The following CHCHD3 variants were observed in gnomAD, a reference collection of about 807,000 sequenced individuals.
CHCHD3 encodes the protein MICOS complex subunit MIC19.
CHCHD3 carries 20 observed loss-of-function variants against 38.2 expected under a neutral mutation model. The ratio of observed to expected loss-of-function variants is 0.52; its 90% CI spans 0.37 to 0.76. The LOEUF is 0.76. CHCHD3 is among the 30% of genes least tolerant of loss of function. The pLI, the probability that CHCHD3 is intolerant of heterozygous loss-of-function variation, is 0.00. For missense variants in CHCHD3, 245 were observed against 279.2 expected (o/e 0.88, Z 0.87); for synonymous variants, 82 against 100.0 (o/e 0.82, Z 1.07).
chr7:132,845,834 A>G (rs905956410), intron 5 of CHCHD3, among the ~76,000 whole-genome samples: 1 of 152,198 alleles, frequency 6.6e-6, no homozygotes, highest in African/African-American at 2.4e-5. Flanking sequence ...TTCTTTTCTC[A>G]AAGCGGCATT....
At chr7:132,890,254 C>T (rs577585121) in intron 4 of CHCHD3, among the ~76,000 whole-genome samples, 1 of 152,306 alleles carries the variant, frequency 6.6e-6, no homozygotes, top group African/African-American at 2.4e-5. Context: ...CGTATGTTTA[C>T]TTCCTTAAAG....
intron 3 of CHCHD3, among the ~76,000 whole-genome samples, chr7:133,020,711 C>A (rs867369569): frequency 6.6e-6 from 1 of 152,080 alleles, no homozygotes; most frequent in Non-Finnish European, 1.5e-5. Flanking sequence ...GTCAGCAGCT[C>A]GGAAAAATTC....
chr7:132,963,694 T>TACACAC (rs71178068), intron 4 of CHCHD3, among the ~76,000 whole-genome samples: 29,217 of 148,808 alleles, frequency 0.2, 3,108 homozygotes, highest in South Asian at 0.24. Flanking sequence ...CAAACGATTA[T>TACACAC]ACACACACAC....
intron 3 of CHCHD3, among the ~76,000 whole-genome samples, chr7:133,012,779 A>G (rs1812911451): frequency 1.1e-5 from 1 of 90,932 alleles, no homozygotes; most frequent in Non-Finnish European, 2.3e-5. Context: ...TAAGAAAGAA[A>G]AGGAGGAGAG....
In CHCHD3 at chr7:132,788,504, A is replaced by G. The variant is rs1393304105; in HGVS notation, c.661-2844T>C. On this transcript the variant is annotated intron_variant, in intron 7 of 7. Coordinates refer to ENST00000262570, the MANE Select transcript of CHCHD3 (RefSeq NM_017812.4). This position sits in a 1 kb window ranked among gnomAD's most constrained non-coding sequence, Gnocchi z 4.0. ...CACAACTTAAGGAAAGCAACAGTTA[A>G]AGAGTGTTTTCACGAGTCTAGAGAT... 6.6e-6 allele frequency among the ~76,000 whole-genome samples: 1 copy of G among 152,210 alleles called. No homozygotes were observed. Among genetic ancestry groups the G allele is most frequent in the Non-Finnish European group, 1.5e-5 (1 of 68,044 alleles).
chr7:132,876,945 C>T (rs908600199), intron 5 of CHCHD3, among the ~76,000 whole-genome samples: 1 of 152,094 alleles, frequency 6.6e-6, no homozygotes, highest in African/African-American at 2.4e-5. Flanking sequence ...ATGGATAATG[C>T]TATTTAATAC....
At chr7:132,886,691 C>A (rs201276574) in intron 4 of CHCHD3, among the ~76,000 whole-genome samples, 1 of 112,668 alleles carries the variant, frequency 8.9e-6, no homozygotes, top group East Asian at 2.6e-4. Flanking sequence ...TACACACACA[C>A]TATATATAGA....
chr7:133,004,053 C>A (rs569706925), intron 3 of CHCHD3, among the ~76,000 whole-genome samples: 1 of 151,880 alleles, frequency 6.6e-6, no homozygotes, highest in Non-Finnish European at 1.5e-5. Flanking sequence ...CGCCGTGGAG[C>A]GATTCTCCTG....
At chr7:132,912,226 T>TTA (rs773933893) in intron 4 of CHCHD3, among the ~76,000 whole-genome samples, 11 of 152,226 alleles carry the variant, frequency 7.2e-5, no homozygotes, top group Non-Finnish European at 7.3e-5. Flanking sequence ...AGTCTTTATA[T>TTA]AACTACCATA....
intron 4 of CHCHD3, among the ~76,000 whole-genome samples, chr7:132,940,386 T>C (rs888640387): frequency 6.6e-6 from 1 of 152,208 alleles, no homozygotes; most frequent in Non-Finnish European, 1.5e-5. Flanking sequence ...GTGCATTTTC[T>C]ATATAACCAA....
chr7:132,821,780 G>A (rs796179156), intron 6 of CHCHD3, among the ~76,000 whole-genome samples: 1 of 132,536 alleles, frequency 7.5e-6, no homozygotes, highest in African/African-American at 3.0e-5. Flanking sequence ...TTTTGAGACG[G>A]AGTCTCGCTC....
chr7:132,859,919 C>T (rs558808253), intron 5 of CHCHD3, among the ~76,000 whole-genome samples: 1 of 152,308 alleles, frequency 6.6e-6, no homozygotes, highest in Admixed American at 6.5e-5. Flanking sequence ...ATTCCATACT[C>T]AATGGTCCAA....
At chr7:132,969,777 T>C (rs928986165) in intron 4 of CHCHD3, among the ~76,000 whole-genome samples, 1 of 152,200 alleles carries the variant, frequency 6.6e-6, no homozygotes, top group African/African-American at 2.4e-5. Context: ...TTTCCTCCTC[T>C]GCTCTTCCCT....
chr7:132,841,414 A>T (rs537763441), intron 5 of CHCHD3, among the ~76,000 whole-genome samples: 82 of 139,044 alleles, frequency 5.9e-4, no homozygotes, highest in African/African-American at 1.8e-3. Context: ...AAAAAAAAAA[A>T]CAAACAACAA....
At chr7:133,062,242 A>C (rs1241985503) in intron 2 of CHCHD3, among the ~76,000 whole-genome samples, 1 of 152,146 alleles carries the variant, frequency 6.6e-6, no homozygotes, top group Non-Finnish European at 1.5e-5. Flanking sequence ...TGGGCAACTT[A>C]TTATAAGAGA....
chr7:132,865,592 A>G (rs138596422), intron 5 of CHCHD3, among the ~76,000 whole-genome samples: 230 of 152,296 alleles, frequency 1.5e-3, no homozygotes, highest in African/African-American at 5.3e-3. Context: ...AGCAGTTACT[A>G]TTGTTACTGC....
intron 6 of CHCHD3, 76 bp downstream of exon 6, chr7:132,838,323 C>T: frequency 1.0e-6 from 1 of 995,296 alleles, no homozygotes; most frequent in Non-Finnish European, 1.6e-6. Flanking sequence ...AAACTATGAT[C>T]TGTGCAAAAA....
chr7:133,048,725 G>A (rs1294087009), intron 2 of CHCHD3, among the ~76,000 whole-genome samples: 1 of 152,132 alleles, frequency 6.6e-6, no homozygotes, highest in African/African-American at 2.4e-5. Flanking sequence ...TAGAGTGTTT[G>A]GAGAACAGCA....
intron 5 of CHCHD3, among the ~76,000 whole-genome samples, chr7:132,865,431 C>T (rs1808594718): frequency 6.6e-6 from 1 of 152,128 alleles, no homozygotes; most frequent in Non-Finnish European, 1.5e-5. Context: ...GGACTCAGTG[C>T]AAAGATGACA....
Sources: allele counts gnomAD v4.1 joint callset (sites outside exome capture counted in the v4.1 genomes callset), GRCh38; gene constraint gnomAD v4.1.1; non-coding constraint Gnocchi (gnomAD v3.1); transcripts MANE v1.5; gene names NCBI Gene and HGNC (gene_info 2026-07-23, HGNC 2026-07-21).